OPCML: variants seen among roughly 807,000 people sequenced by gnomAD.
The protein encoded by OPCML is opioid binding protein/cell adhesion molecule like.
A neutral mutation model predicts 37.8 loss-of-function variants in OPCML; 13 were observed. That is an observed-to-expected ratio of 0.34 (90% CI 0.22 to 0.55). The LOEUF is 0.55. OPCML is among the 20% of genes least tolerant of loss of function. The probability of loss-of-function intolerance (pLI) is 0.91; values close to 1 mark genes in which losing one functional copy is unlikely to be tolerated. For missense variants in OPCML, 341 were observed against 435.6 expected (o/e 0.78, Z 1.93); for synonymous variants, 176 against 168.8 (o/e 1.04, Z -0.33).
At chr11:133,012,888 GA>G in intron 1 of OPCML, among the ~76,000 whole-genome samples, 1 of 131,150 alleles carries the variant, frequency 7.6e-6, no homozygotes, top group Non-Finnish European at 1.7e-5. Flanking sequence ...AAAAAAAAAA[GA>G]AAAAAATCAG....
intron 3 of OPCML, among the ~76,000 whole-genome samples, chr11:132,613,713 A>G (rs1938808062): frequency 1.3e-5 from 2 of 152,306 alleles, no homozygotes; most frequent in South Asian, 4.1e-4. Flanking sequence ...AATTTAGAGA[A>G]CAGACATATT....
chr11:132,962,770 C>T lies in OPCML; in HGVS notation c.62-19760G>A, dbSNP rs148206867. Among the ~76,000 whole-genome samples the T allele has an allele frequency of 4.7e-3, 714 of 152,298 alleles. 3 individuals are homozygous for T. Among genetic ancestry groups the T allele is most frequent in the African/African-American group, 0.016 (673 of 41,556 alleles). ...GGGAGGCACTATTTTGATCCATTCA[C>T]GGGCAGGCACTTCACCGCATTTGGG... On this transcript the variant is annotated intron_variant, in intron 1 of 7. Transcript: ENST00000524381.
intron 2 of OPCML, among the ~76,000 whole-genome samples, chr11:132,695,371 C>T (rs1351797503): frequency 2.6e-5 from 4 of 152,100 alleles, no homozygotes; most frequent in Non-Finnish European, 5.9e-5. Flanking sequence ...AATAAAAGCA[C>T]AATGGAAGCC....
At chr11:132,916,348 C>T (rs1397559050) in intron 2 of OPCML, among the ~76,000 whole-genome samples, 1 of 152,092 alleles carries the variant, frequency 6.6e-6, no homozygotes, top group Non-Finnish European at 1.5e-5. Flanking sequence ...TCTGGGGTTC[C>T]ATGGCCTAGT....
At chr11:132,532,704 C>T (rs1330457616) in intron 3 of OPCML, among the ~76,000 whole-genome samples, 1 of 152,154 alleles carries the variant, frequency 6.6e-6, no homozygotes, top group Non-Finnish European at 1.5e-5. Flanking sequence ...CATCTCCCCT[C>T]CCAGTACCTG....
chr11:133,085,621 T>C (rs2137042068), intron 1 of OPCML, among the ~76,000 whole-genome samples: 1 of 152,350 alleles, frequency 6.6e-6, no homozygotes, highest in African/African-American at 2.4e-5. Flanking sequence ...TACAATAAAG[T>C]ACCAAGGCAT....
intron 2 of OPCML, among the ~76,000 whole-genome samples, chr11:132,756,729 T>A (rs1946061387): frequency 6.6e-6 from 1 of 152,202 alleles, no homozygotes; most frequent in Non-Finnish European, 1.5e-5. Context: ...TCGAATATAA[T>A]TTATAGAATG....
chr11:132,939,850 T>C (rs1945517103), intron 2 of OPCML, among the ~76,000 whole-genome samples: 1 of 152,174 alleles, frequency 6.6e-6, no homozygotes, highest in South Asian at 2.1e-4. Flanking sequence ...CAGCAGATAA[T>C]TGTAATGAAG....
intron 1 of OPCML, among the ~76,000 whole-genome samples, chr11:133,058,493 G>C (rs1176231650): frequency 6.6e-6 from 1 of 152,190 alleles, no homozygotes; most frequent in Non-Finnish European, 1.5e-5. Context: ...GTCACATCGA[G>C]CATGCCACCC....
At chr11:132,909,777 T>C (rs113317770) in intron 2 of OPCML, among the ~76,000 whole-genome samples, 2 of 152,316 alleles carry the variant, frequency 1.3e-5, no homozygotes, top group African/African-American at 2.4e-5. Flanking sequence ...CTTGCTAATA[T>C]ATGCAGCGGA....
intron 1 of OPCML, among the ~76,000 whole-genome samples, chr11:133,522,890 T>C (rs953632286): frequency 6.6e-6 from 1 of 152,152 alleles, no homozygotes; most frequent in Non-Finnish European, 1.5e-5. Context: ...AAAATGTTTG[T>C]AGGGAGCCAG....
chr11:132,712,194 T>G (rs1177509803), intron 2 of OPCML, among the ~76,000 whole-genome samples: 1 of 152,134 alleles, frequency 6.6e-6, no homozygotes, highest in Non-Finnish European at 1.5e-5. Flanking sequence ...GGCAATTGAT[T>G]TGGTAGAGGC....
chr11:133,418,411 G>A (rs866372110), intron 1 of OPCML: 2 of 985,190 alleles, frequency 2.0e-6, no homozygotes, highest in Non-Finnish European at 2.4e-6. Flanking sequence ...ATTGATTGGT[G>A]GTTTTTAGAA....
chr11:132,499,590 C>A (rs1163120080), intron 4 of OPCML, among the ~76,000 whole-genome samples: 3 of 152,190 alleles, frequency 2.0e-5, no homozygotes, highest in Non-Finnish European at 4.4e-5. Context: ...TTTAAAAGCT[C>A]AAAGTCTGGA....
chr11:133,206,417 A>G lies in OPCML; in HGVS notation c.62-263407T>C, dbSNP rs930796109. ...TCTGGAGTCCTCAGTTTCCTGAGCTATGAAATATAAAAACTATATGATCAA... is the reference window on the plus strand; with the variant it reads ...TCTGGAGTCCTCAGTTTCCTGAGCTGTGAAATATAAAAACTATATGATCAA... On this transcript the variant is annotated intron_variant, in intron 1 of 7. Transcript: ENST00000524381. The surrounding 1 kb of genome is among the most constrained non-coding windows in gnomAD (Gnocchi z 4.7). 5.9e-5 allele frequency among the ~76,000 whole-genome samples: 9 copies of G among 152,320 alleles called. No individual in the cohort carries two copies. The highest frequency in any genetic ancestry group is 3.3e-4 in the Admixed American group (5 of 15,298).
At chr11:133,128,644 C>T (rs372197716) in intron 1 of OPCML, among the ~76,000 whole-genome samples, 2 of 152,288 alleles carry the variant, frequency 1.3e-5, no homozygotes, top group South Asian at 4.1e-4. Context: ...TTGGCGTAAG[C>T]AGCCTTCTCA....
intron 1 of OPCML, among the ~76,000 whole-genome samples, chr11:132,969,912 T>G (rs1946302834): frequency 6.6e-6 from 1 of 152,208 alleles, no homozygotes; most frequent in Non-Finnish European, 1.5e-5. Flanking sequence ...CTGACATCTG[T>G]GGCCTCTCAC....
chr11:132,552,206 C>A (rs980874249), intron 3 of OPCML, among the ~76,000 whole-genome samples: 1 of 152,116 alleles, frequency 6.6e-6, no homozygotes, highest in Non-Finnish European at 1.5e-5. Flanking sequence ...GTTTTGGGAA[C>A]CACCTTTTGA....
chr11:132,867,682 A>T (rs1483912807), intron 2 of OPCML, among the ~76,000 whole-genome samples: 4 of 152,216 alleles, frequency 2.6e-5, no homozygotes, highest in African/African-American at 9.6e-5. Flanking sequence ...TTTCTGGGTT[A>T]GGAATGGAAA....
Sources: gnomAD v4.1 joint callset for allele counts (sites outside exome capture counted in the v4.1 genomes callset) on GRCh38, gnomAD v4.1.1 for gene constraint, Gnocchi (gnomAD v3.1) non-coding constraint, MANE v1.5 for transcripts, NCBI Gene and HGNC (gene_info 2026-07-23, HGNC 2026-07-21) for gene names.